Variants in PTPRA observed in about 807,000 individuals in gnomAD.
PTPRA encodes protein tyrosine phosphatase receptor type A.
PTPRA carries 25 observed loss-of-function variants against 104.8 expected under a neutral mutation model. The observed-to-expected ratio is 0.24, with a 90% confidence interval of 0.17 to 0.33. The LOEUF (loss-of-function observed/expected upper bound fraction) is 0.33. Among genes scored for constraint, PTPRA ranks in the 10% least tolerant of loss-of-function variants. The pLI, the probability that PTPRA is intolerant of heterozygous loss-of-function variation, is 1.00. For synonymous variants in PTPRA, 323 were observed against 368.9 expected, an observed-to-expected ratio of 0.88 and a Z score of 1.43; for missense variants, 765 against 1,015.3, an observed-to-expected ratio of 0.75 and a Z score of 3.35.
At chr20:2,927,940 G>T (rs2060365032) in intron 2 of PTPRA, among the ~76,000 whole-genome samples, 1 of 152,074 alleles carries the variant, frequency 6.6e-6, no homozygotes, top group African/African-American at 2.4e-5. Context: ...AACCCGGGTG[G>T]TGGAGGTTGC....
chr20:2,920,063 G>C (rs1479976495), intron 1 of PTPRA, among the ~76,000 whole-genome samples: 1 of 152,180 alleles, frequency 6.6e-6, no homozygotes. Flanking sequence ...GGCCTGCAGA[G>C]CCAAACATTT....
intron 3 of PTPRA, among the ~76,000 whole-genome samples, chr20:2,948,768 A>C (rs6037434): frequency 2.6e-5 from 4 of 151,776 alleles, no homozygotes; most frequent in Non-Finnish European, 5.9e-5. Context: ...TGGCTAACAC[A>C]GTGAAACCCT....
Position 3,021,386 on chromosome 20 carries a change from T to G in PTPRA, c.1119T>G (p.Thr373=). The G allele has an allele frequency of 6.2e-7, 1 of 1,614,134 alleles. No individual in the cohort carries two copies. Among genetic ancestry groups the G allele is most frequent in the Non-Finnish European group, 8.5e-7 (1 of 1,179,988 alleles). ...TTCGGGTGTCTGTAGAGGATGTGAC[T>G]GTCCTGGTGGACTACACAGTACGGA... ...GNIRVSVEDV[T]VLVDYTVRKF... The change falls in exon 14 of 24, where the codon ACT becomes ACG. Residue 373 remains threonine (T), a synonymous_variant. Transcript: ENST00000399903.
intron 3 of PTPRA, among the ~76,000 whole-genome samples, chr20:2,953,391 C>T (rs1390694266): frequency 1.3e-5 from 2 of 151,622 alleles, no homozygotes; most frequent in African/African-American, 4.8e-5. Flanking sequence ...GTAGCTGGGA[C>T]TACAGGCGCG....
intron 1 of PTPRA, among the ~76,000 whole-genome samples, chr20:2,874,322 C>A (rs915765595): frequency 6.6e-6 from 1 of 151,776 alleles, no homozygotes; most frequent in African/African-American, 2.4e-5. Flanking sequence ...CAGGTCCCCT[C>A]CCTTTTTACT....
At position 2,898,323 on chromosome 20, in the gene PTPRA, G is replaced by A. The variant is rs959261710; in HGVS notation, c.-129+24563G>A. On this transcript the variant is annotated intron_variant, in intron 1 of 23. Transcript: ENST00000399903. ...TCTCGATCTCCTGACCTTGTGATCC[G>A]CCCACCTCGGCCTCCCAAAGTGCTG... is the stretch of plus-strand genomic sequence containing the variant. Among the ~76,000 whole-genome samples the A allele has an allele frequency of 4.6e-5, 7 of 151,412 alleles. No individual in the cohort carries two copies. The East Asian group carries it at 6.0e-4, about 13-fold the overall frequency.
At chr20:3,020,724 C>T (rs2064824694) in intron 13 of PTPRA, among the ~76,000 whole-genome samples, 1 of 152,212 alleles carries the variant, frequency 6.6e-6, no homozygotes, top group Non-Finnish European at 1.5e-5. Flanking sequence ...GCCCTTGAGT[C>T]ACCTTGATCC....
At chr20:2,896,473 G>A (rs1442236872) in intron 1 of PTPRA, among the ~76,000 whole-genome samples, 2 of 152,178 alleles carry the variant, frequency 1.3e-5, no homozygotes, top group East Asian at 3.8e-4. Context: ...GTATTTATTT[G>A]CCATTTGGCC....
rs967979906 is a variant in PTPRA at position 3,019,698 on chromosome 20, G to A, written c.1042-1611G>A. Among the ~76,000 whole-genome samples the A allele has an allele frequency of 5.9e-5, 9 of 152,288 alleles. No homozygotes were observed. The East Asian group carries it at 1.2e-3, about 20-fold the overall frequency. On this transcript the variant is annotated intron_variant, in intron 13 of 23. Coordinates refer to ENST00000399903, the MANE Select transcript of PTPRA (RefSeq NM_001385305.1). Reference sequence around the variant, plus strand: ...GCGGCTGGGCAGAGGCTGCAATCTCGGCGCTTTGGGAGGCCAAAGCAGGCT... The same window carrying A: ...GCGGCTGGGCAGAGGCTGCAATCTCAGCGCTTTGGGAGGCCAAAGCAGGCT...
chr20:2,879,162 G>A (rs2089912838), intron 1 of PTPRA, among the ~76,000 whole-genome samples: 1 of 152,152 alleles, frequency 6.6e-6, no homozygotes, highest in South Asian at 2.1e-4. Flanking sequence ...TAGGGTGTCG[G>A]GAGTGTCAGA....
At chr20:2,989,497 TG>T (rs746407467) in intron 9 of PTPRA, among the ~76,000 whole-genome samples, 87 of 151,888 alleles carry the variant, frequency 5.7e-4, no homozygotes, top group Non-Finnish European at 9.0e-4. Context: ...GCAAGGGTGG[TG>T]GGGACAGGGG....
At chr20:2,878,361 T>C (rs2089861395) in intron 1 of PTPRA, among the ~76,000 whole-genome samples, 1 of 152,122 alleles carries the variant, frequency 6.6e-6, no homozygotes, top group African/African-American at 2.4e-5. Context: ...TGCACAGGTC[T>C]GTGCCACCAC....
At chr20:2,936,375 C>T (rs969623218) in intron 2 of PTPRA, among the ~76,000 whole-genome samples, 13 of 151,912 alleles carry the variant, frequency 8.6e-5, no homozygotes, top group African/African-American at 3.1e-4. Context: ...GTTGCCCAGG[C>T]TGGTTTTGAA....
intron 3 of PTPRA, among the ~76,000 whole-genome samples, chr20:2,948,430 G>C (rs546048511): frequency 7.2e-4 from 110 of 152,290 alleles, no homozygotes; most frequent in Non-Finnish European, 1.2e-3. Flanking sequence ...TGGTTCAGCA[G>C]TTCATCCATT....
At chr20:2,935,145 C>G (rs1726507156) in intron 2 of PTPRA, among the ~76,000 whole-genome samples, 1 of 152,232 alleles carries the variant, frequency 6.6e-6, no homozygotes, top group South Asian at 2.1e-4. Context: ...AGTATTTCCC[C>G]AATTCCCCTA....
chr20:3,036,773 T>C lies in PTPRA; in HGVS notation c.2199-381T>C, dbSNP rs994911354. 1.4e-4 allele frequency among the ~76,000 whole-genome samples: 22 copies of C among 152,334 alleles called. 1 individual carries two copies. The Middle Eastern group carries it at 0.014, about 94-fold the overall frequency. ...AAAGACATGGAAAGGAATCAGCAGA[T>C]ACACACCAGTGTAGGGAGTGGGGTT... On this transcript the variant is annotated intron_variant, in intron 22 of 23. Transcript: ENST00000399903.
At chr20:2,969,497 G>A (rs58686560) in intron 5 of PTPRA, among the ~76,000 whole-genome samples, 5 of 150,444 alleles carry the variant, frequency 3.3e-5, no homozygotes, top group South Asian at 4.4e-4. Flanking sequence ...CACCTGCCCC[G>A]GCCTCCCAAA....
At chr20:3,021,514 C>A in intron 14 of PTPRA, 86 bp downstream of exon 14, 1 of 1,549,050 alleles carries the variant, frequency 6.5e-7, no homozygotes, top group South Asian at 1.2e-5. Context: ...CCGCTGTGGT[C>A]AGGAGTTGCT....
the PTPRA span, chr20:2,866,643 A>T: frequency 6.3e-7 from 1 of 1,589,628 alleles, no homozygotes; most frequent in Non-Finnish European, 8.6e-7. Context: ...GAAGGGCCAT[A>T]GTTCATCCAG....
Sources: gnomAD v4.1 joint callset for allele counts (sites outside exome capture counted in the v4.1 genomes callset) on GRCh38, gnomAD v4.1.1 for gene constraint, MANE v1.5 for transcripts, NCBI Gene and HGNC (gene_info 2026-07-23, HGNC 2026-07-21) for gene names.